Variants in CD200R1L observed in about 807,000 individuals in gnomAD.
CD200R1L encodes cell surface glycoprotein CD200 receptor 2.
Under a neutral mutation model 24.8 loss-of-function variants are expected in CD200R1L, and 14 were observed. That is an observed-to-expected ratio of 0.56 (90% confidence interval 0.37 to 0.88). CD200R1L has a LOEUF of 0.88. Among genes scored for constraint, CD200R1L ranks in the 40% least tolerant of loss-of-function variants. The pLI is 0.00. For missense variants in CD200R1L, 299 were observed against 297.8 expected, an observed-to-expected ratio of 1.00 and a Z score of -0.03; for synonymous variants, 111 against 109.2, an observed-to-expected ratio of 1.02 and a Z score of -0.11.
At chr3:112,822,404 G>T (rs1938556363) in intron 6 of CD200R1L, among the ~76,000 whole-genome samples, 1 of 152,160 alleles carries the variant, frequency 6.6e-6, no homozygotes, top group South Asian at 2.1e-4. Flanking sequence ...TTGACCTCCT[G>T]GGAGGGGAGA....
chr3:112,823,441 G>A (rs1938588133), intron 6 of CD200R1L, among the ~76,000 whole-genome samples: 1 of 152,214 alleles, frequency 6.6e-6, no homozygotes, highest in South Asian at 2.1e-4. Flanking sequence ...ATGAGACTAA[G>A]CCTTTAACCT....
chr3:112,818,948 A>G (rs1395910386), intron 7 of CD200R1L, among the ~76,000 whole-genome samples: 2 of 152,216 alleles, frequency 1.3e-5, no homozygotes, highest in African/African-American at 4.8e-5. Flanking sequence ...GAGACCGGGT[A>G]ATTTACGAAG....
chr3:112,823,045 C>T (rs552557059), intron 6 of CD200R1L, among the ~76,000 whole-genome samples: 8 of 152,244 alleles, frequency 5.3e-5, no homozygotes, highest in Non-Finnish European at 1.0e-4. Flanking sequence ...ACAAACTGTA[C>T]AGAAAAGAAA....
chr3:112,827,760 T>A (rs1408594878), intron 4 of CD200R1L, 76 bp from the exon 5 acceptor site: 6 of 1,351,762 alleles, frequency 4.4e-6, no homozygotes, highest in Admixed American at 2.3e-5. Flanking sequence ...ATCCACAGTA[T>A]ATTACATGAA....
chr3:112,819,256 T>C (rs776254684), intron 7 of CD200R1L, among the ~76,000 whole-genome samples: 2 of 152,194 alleles, frequency 1.3e-5, no homozygotes, highest in Non-Finnish European at 2.9e-5. Context: ...CACCAAACCA[T>C]GTTAGTAACT....
chr3:112,836,915 T>C (rs922608607), intron 3 of CD200R1L, among the ~76,000 whole-genome samples: 30 of 152,226 alleles, frequency 2.0e-4, no homozygotes, highest in African/African-American at 7.2e-4. Flanking sequence ...TAGAAAACAT[T>C]TCTCCTTTCT....
intron 3 of CD200R1L, among the ~76,000 whole-genome samples, chr3:112,830,391 A>G (rs990073885): frequency 4.6e-5 from 7 of 151,076 alleles, no homozygotes; most frequent in African/African-American, 1.7e-4. Context: ...ATCAGGTGTT[A>G]CCATTATTCA....
At chr3:112,845,498 T>C (rs73853984) in intron 2 of CD200R1L, among the ~76,000 whole-genome samples, 181 bp downstream of exon 2, 173 of 152,350 alleles carry the variant, frequency 1.1e-3, no homozygotes, top group African/African-American at 4.0e-3. Context: ...GCCAGTCACC[T>C]AGTCAGTACA....
At chr3:112,819,622 G>T in intron 7 of CD200R1L, 150 bp downstream of exon 7, 2 of 669,440 alleles carry the variant, frequency 3.0e-6, no homozygotes, top group Non-Finnish European at 2.2e-6. Flanking sequence ...AGTTGTTAAT[G>T]ATGCCTTCAC....
chr3:112,835,692 GA>G (rs1463207894), intron 3 of CD200R1L, among the ~76,000 whole-genome samples: 1 of 152,204 alleles, frequency 6.6e-6, no homozygotes, highest in East Asian at 1.9e-4. Flanking sequence ...TGTTCATGCC[GA>G]GGGGCACCTG....
chr3:112,837,092 G>T (rs1372939716), intron 3 of CD200R1L, among the ~76,000 whole-genome samples: 1 of 151,972 alleles, frequency 6.6e-6, no homozygotes, highest in Non-Finnish European at 1.5e-5. Flanking sequence ...ATCTCATCTT[G>T]AGCCAGTTGC....
In CD200R1L at chr3:112,845,838, TCAACAGGA is replaced by T; in HGVS notation, c.-254_-247del. The T allele has an allele frequency of 1.3e-6, 1 of 772,042 alleles. No individual in the cohort carries two copies. The highest frequency in any genetic ancestry group is 2.2e-6 in the Non-Finnish European group (1 of 456,232). 47.8% of individuals were successfully genotyped at this position (772,042 alleles called of 1,614,324 possible). A position where few individuals can be genotyped will look rare whatever the true frequency, so the allele number is the denominator to read the frequency against. On this transcript the variant is annotated 5_prime_UTR_variant, in exon 2 of 8. The change abolishes the stop of an existing upstream ORF in the 5' untranslated region. Transcript: ENST00000488794. ...TTGGTCACTTTTGCTTATTCTGTCT[TCAACAGGA>T]TTGCAAAACATATTTCTTCATTATC...
chr3:112,825,557 G>A (rs1938638082), intron 6 of CD200R1L, among the ~76,000 whole-genome samples: 1 of 151,796 alleles, frequency 6.6e-6, no homozygotes, highest in African/African-American at 2.4e-5. Context: ...TGCGCAGGGA[G>A]ACACAAATGA....
chr3:112,838,351 G>T lies in CD200R1L; in HGVS notation c.-86-341C>A, dbSNP rs149197940. ...GTTCAATGCAGGGCCCAGGAGTAAA[G>T]TTCCATCTCCAGAACTATTATAGAA... On this transcript the variant is annotated intron_variant, in intron 2 of 7. Transcript: ENST00000488794. Among the ~76,000 whole-genome samples the T allele has an allele frequency of 9.6e-3, 1,465 of 152,096 alleles. 16 individuals carry two copies. Among genetic ancestry groups the T allele is most frequent in the Non-Finnish European group, 0.012 (842 of 67,988 alleles).
In CD200R1L at chr3:112,841,653, C is replaced by T. The variant is rs79928847; in HGVS notation, c.-86-3643G>A. ...ACAGGACTAGGGTGTATCTAATCTA[C>T]CCTTGTCCACCAGCCCCACCCAAGG... On this transcript the variant is annotated intron_variant, in intron 2 of 7. Coordinates refer to ENST00000488794, the MANE Select transcript of CD200R1L (RefSeq NM_001199215.3). Among the ~76,000 whole-genome samples, 32 of 152,270 alleles carry T rather than the reference C, an allele frequency of 2.1e-4. No individual in the cohort carries two copies. In the East Asian group the frequency reaches 6.0e-3, roughly 29 times the overall value.
chr3:112,837,068 T>C (rs541551304), intron 3 of CD200R1L, among the ~76,000 whole-genome samples: 1 of 152,374 alleles, frequency 6.6e-6, no homozygotes, highest in Non-Finnish European at 1.5e-5. Context: ...GTTCTCTATC[T>C]ATTCATGTTT....
chr3:112,840,044 T>C (rs1466584708), intron 2 of CD200R1L, among the ~76,000 whole-genome samples: 2 of 152,158 alleles, frequency 1.3e-5, no homozygotes, highest in Non-Finnish European at 2.9e-5. Context: ...CAGTTATAAA[T>C]CTGGACAATA....
chr3:112,845,805 T>G lies in CD200R1L; in HGVS notation c.-213A>C. On this transcript the variant is annotated 5_prime_UTR_variant, in exon 2 of 8. Transcript: ENST00000488794. ...AATCAATCAACAGACTTGGTGAATC[T>G]GTTTCTCTTGGTCACTTTTGCTTAT... 8.6e-7 allele frequency: 1 copy of G among 1,161,816 alleles called. No homozygotes were observed. The allele number at this position is 1,161,816 out of a possible 1,614,324, so 72.0% of individuals were successfully genotyped here.
At chr3:112,817,129 A>T (rs562107165) in intron 7 of CD200R1L, among the ~76,000 whole-genome samples, 1 of 152,242 alleles carries the variant, frequency 6.6e-6, no homozygotes, top group South Asian at 2.1e-4. Context: ...AATTGTATTA[A>T]TGGACTGATT....
Sources: allele counts gnomAD v4.1 joint callset (sites outside exome capture counted in the v4.1 genomes callset), GRCh38; gene constraint gnomAD v4.1.1; transcripts MANE v1.5; gene names NCBI Gene and HGNC (gene_info 2026-07-23, HGNC 2026-07-21).